Variants in POLR3G observed in about 807,000 individuals in gnomAD.
POLR3G encodes DNA-directed RNA polymerase III subunit RPC7.
POLR3G carries 28 observed loss-of-function variants against 30.1 expected under a neutral mutation model. The observed-to-expected ratio is 0.93, with a 90% CI of 0.69 to 1.27. The LOEUF (loss-of-function observed/expected upper bound fraction) is 1.27, where lower values mean the gene tolerates loss of function less well. POLR3G is among the 50% of genes most tolerant of loss of function. The pLI is 0.00. For missense variants in POLR3G, 254 were observed against 264.6 expected (o/e 0.96, Z 0.28); for synonymous variants, 79 against 82.5 (o/e 0.96, Z 0.23).
chr5:90,480,687 A>G (rs909560421), intron 1 of POLR3G, among the ~76,000 whole-genome samples: 1 of 152,176 alleles, frequency 6.6e-6, no homozygotes, highest in African/African-American at 2.4e-5. Context: ...TATGTTTAGC[A>G]GGTCCTCCAG....
At chr5:90,487,759 G>T (rs1256929610) in intron 2 of POLR3G, among the ~76,000 whole-genome samples, 1 of 152,102 alleles carries the variant, frequency 6.6e-6, no homozygotes, top group Non-Finnish European at 1.5e-5. Context: ...GATTATTGGT[G>T]TAGTTTTCAG....
chr5:90,510,247 A>G (rs2656952), intron 7 of POLR3G, among the ~76,000 whole-genome samples: 31,517 of 151,786 alleles, frequency 0.21, 3,449 homozygotes, highest in East Asian at 0.33. Context: ...GCGTGGTGGC[A>G]GGCGCCTGTA....
intron 1 of POLR3G, among the ~76,000 whole-genome samples, chr5:90,480,926 T>C (rs902741386): frequency 1.3e-5 from 2 of 152,180 alleles, no homozygotes; most frequent in African/African-American, 2.4e-5. Flanking sequence ...GACTCAGCAA[T>C]TGAAACAAGT....
At chr5:90,491,249 G>A (rs775626196) in intron 3 of POLR3G, among the ~76,000 whole-genome samples, 1 of 152,122 alleles carries the variant, frequency 6.6e-6, no homozygotes, top group Non-Finnish European at 1.5e-5. Flanking sequence ...TATAATAAAG[G>A]AAAAACACCA....
intron 2 of POLR3G, among the ~76,000 whole-genome samples, chr5:90,486,492 G>C (rs181801103): frequency 1.3e-5 from 2 of 152,142 alleles, no homozygotes; most frequent in Non-Finnish European, 2.9e-5. Flanking sequence ...CGATCTCTCC[G>C]TTCTGATGTC....
chr5:90,496,731 C>T (rs1367131433), intron 4 of POLR3G, among the ~76,000 whole-genome samples: 2 of 152,200 alleles, frequency 1.3e-5, no homozygotes, highest in Non-Finnish European at 2.9e-5. Context: ...TTTATGGAAA[C>T]TCCCCTTATG....
chr5:90,493,554 A>C (rs1350616779), intron 3 of POLR3G, among the ~76,000 whole-genome samples: 1 of 151,602 alleles, frequency 6.6e-6, no homozygotes, highest in Non-Finnish European at 1.5e-5. Flanking sequence ...GCCTAGTTTT[A>C]TTGATTTTTA....
At chr5:90,484,987 G>A (rs1751362595) in intron 1 of POLR3G, among the ~76,000 whole-genome samples, 1 of 152,000 alleles carries the variant, frequency 6.6e-6, no homozygotes, top group African/African-American at 2.4e-5. Context: ...TAACTTTAAT[G>A]ATTTTAACTG....
At position 90,513,057 on chromosome 5, in the gene POLR3G, T is replaced by G. The variant is rs1456227410; in HGVS notation, c.*918T>G. On this transcript the variant is annotated 3_prime_UTR_variant, in exon 8 of 8. Transcript: ENST00000651687. ...AATGCAAAATGAACTCAGGTCATTT[T>G]GAAATTAATATTAATATTTTTGTTG... 2.0e-5 allele frequency: 3 copies of G among 151,908 alleles called. No individual in the cohort carries two copies. The highest frequency in any genetic ancestry group is 4.4e-5 in the Non-Finnish European group (3 of 67,866). The allele number at this position is 151,908 out of a possible 1,614,324, so 9.4% of individuals were successfully genotyped here.
chr5:90,474,607 A>G (rs1454475642), upstream of POLR3G: 1 of 384,718 alleles, frequency 2.6e-6, no homozygotes, highest in Non-Finnish European at 4.8e-6. Flanking sequence ...CGCAGGGGCC[A>G]CTGCAGCAGA....
At chr5:90,507,675 T>C (rs951202425) in intron 7 of POLR3G, among the ~76,000 whole-genome samples, 1 of 149,098 alleles carries the variant, frequency 6.7e-6, no homozygotes. Context: ...TGGTAGGGTA[T>C]GTCTTCCTTC....
intron 2 of POLR3G, 36 bp from the exon 3 acceptor site, chr5:90,487,964 G>A (rs780613026): frequency 8.1e-6 from 12 of 1,489,924 alleles, no homozygotes; most frequent in Non-Finnish European, 1.1e-5. Context: ...ATACATAATT[G>A]ATTTGAAAAA....
At chr5:90,474,280 CG>C (rs1181394497), upstream of POLR3G, 3 of 1,612,966 alleles carry the variant, frequency 1.9e-6, no homozygotes, top group Non-Finnish European at 2.5e-6. Flanking sequence ...GCGTACCACT[CG>C]AGCGCCGACA....
At chr5:90,474,555 A>G, upstream of POLR3G, 1 of 503,168 alleles carries the variant, frequency 2.0e-6, no homozygotes, top group Non-Finnish European at 3.5e-6. Context: ...GGGGCGCAGG[A>G]GCTACCGCAG....
At chr5:90,485,821 C>G in intron 2 of POLR3G, 137 bp downstream of exon 2, 1 of 575,652 alleles carries the variant, frequency 1.7e-6, no homozygotes, top group Middle Eastern at 2.8e-4. Context: ...TTTCACTTAC[C>G]TTTAAATATT....
At chr5:90,474,197 G>A (rs1370475205), upstream of POLR3G, 2 of 1,611,466 alleles carry the variant, frequency 1.2e-6, no homozygotes, top group Non-Finnish European at 8.5e-7. Context: ...GCACCAGCCA[G>A]ATGTTGGCAC....
At chr5:90,477,239 A>G (rs921978517) in intron 1 of POLR3G, among the ~76,000 whole-genome samples, 1 of 152,172 alleles carries the variant, frequency 6.6e-6, no homozygotes, top group African/African-American at 2.4e-5. Context: ...GCTTAAGTGG[A>G]TGTGGCAGGA....
chr5:90,487,005 C>T (rs571096558), intron 2 of POLR3G, among the ~76,000 whole-genome samples: 1 of 152,056 alleles, frequency 6.6e-6, no homozygotes, highest in South Asian at 2.1e-4. Flanking sequence ...TACTAGGTAC[C>T]CTGGAGATCC....
chr5:90,493,378 C>T (rs1751827365), intron 3 of POLR3G, among the ~76,000 whole-genome samples: 1 of 151,944 alleles, frequency 6.6e-6, no homozygotes, highest in African/African-American at 2.4e-5. Context: ...TCCCAAGTAG[C>T]TGGAACCACT....
Sources: allele counts gnomAD v4.1 joint callset (sites outside exome capture counted in the v4.1 genomes callset), GRCh38; gene constraint gnomAD v4.1.1; transcripts MANE v1.5; gene names NCBI Gene and HGNC (gene_info 2026-07-23, HGNC 2026-07-21).